RNF6: variants seen among roughly 807,000 people sequenced by gnomAD.
The protein encoded by RNF6 is ring finger protein 6.
In RNF6, 21 loss-of-function variants were observed where a neutral mutation model predicts 50.1. The ratio of observed to expected loss-of-function variants is 0.42; its 90% confidence interval spans 0.30 to 0.60. RNF6 has a LOEUF of 0.60. RNF6 is among the 20% of genes least tolerant of loss of function. RNF6 has a pLI of 0.20. For missense variants in RNF6, 698 were observed against 838.2 expected (o/e 0.83, Z 2.07); for synonymous variants, 255 against 291.8 (o/e 0.87, Z 1.29).
chr13:26,211,827 CTAAAA>C (rs1869339572), downstream of RNF6, among the ~76,000 whole-genome samples: 1 of 152,126 alleles, frequency 6.6e-6, no homozygotes, highest in African/African-American at 2.4e-5. Flanking sequence ...AATTTTAACA[CTAAAA>C]TAAGTGAGAT....
intron 5 of RNF6, among the ~76,000 whole-genome samples, chr13:26,152,046 C>G (rs17433548): frequency 0.13 from 20,111 of 152,212 alleles, 1,686 homozygotes; most frequent in Admixed American, 0.2. Flanking sequence ...ACACCAACCT[C>G]TTTTATAACC....
At chr13:26,210,330 T>C (rs1000649180), downstream of RNF6, among the ~76,000 whole-genome samples, 18 of 152,292 alleles carry the variant, frequency 1.2e-4, no homozygotes, top group African/African-American at 4.1e-4. Flanking sequence ...ATTATTCCAA[T>C]GGAGAGATGC....
chr13:26,218,456 A>T (rs1319405079), intron 4 of RNF6, 55 bp downstream of exon 4: 1 of 1,388,130 alleles, frequency 7.2e-7, no homozygotes, highest in East Asian at 2.3e-5. Context: ...TAAGAATTTC[A>T]TTTCTGCAAG....
intron 5 of RNF6, among the ~76,000 whole-genome samples, chr13:26,134,595 C>A (rs1870554518): frequency 6.6e-6 from 1 of 152,112 alleles, no homozygotes; most frequent in African/African-American, 2.4e-5. Flanking sequence ...AGGGAACTCA[C>A]CACCATGTTG....
At chr13:26,218,032 C>T (rs920066786) in intron 4 of RNF6, among the ~76,000 whole-genome samples, 58 of 152,206 alleles carry the variant, frequency 3.8e-4, no homozygotes, top group African/African-American at 1.3e-3. Flanking sequence ...ACAAAAGTGG[C>T]TTTTCCTTTT....
At chr13:26,208,929 A>G (rs1324810526), downstream of RNF6, among the ~76,000 whole-genome samples, 1 of 152,256 alleles carries the variant, frequency 6.6e-6, no homozygotes, top group African/African-American at 2.4e-5. Context: ...AGTTAGAGTC[A>G]TAGAAAGATC....
intron 5 of RNF6, among the ~76,000 whole-genome samples, chr13:26,189,863 C>T (rs1350579050): frequency 2.0e-5 from 3 of 152,214 alleles, no homozygotes; most frequent in Non-Finnish European, 4.4e-5. Flanking sequence ...GACTCTAATC[C>T]AATCACTACT....
chr13:26,171,679 G>T (rs372801243), intron 5 of RNF6, among the ~76,000 whole-genome samples: 68 of 152,168 alleles, frequency 4.5e-4, no homozygotes, highest in Middle Eastern at 3.4e-3. Context: ...GATGAAATGT[G>T]GTACAAAAAT....
intron 5 of RNF6, among the ~76,000 whole-genome samples, chr13:26,198,917 AT>A (rs1868786855): frequency 6.6e-6 from 1 of 151,992 alleles, no homozygotes; most frequent in Non-Finnish European, 1.5e-5. Flanking sequence ...TTAGGCATAA[AT>A]TTAACAAGAT....
chr13:26,223,073 C>T (rs988521866), upstream of RNF6, among the ~76,000 whole-genome samples: 1 of 152,180 alleles, frequency 6.6e-6, no homozygotes, highest in Non-Finnish European at 1.5e-5. Flanking sequence ...GTCCCCTTTC[C>T]TGACATCCCT....
At chr13:26,182,897 A>G (rs1320820932) in intron 5 of RNF6, among the ~76,000 whole-genome samples, 1 of 152,124 alleles carries the variant, frequency 6.6e-6, no homozygotes, top group Non-Finnish European at 1.5e-5. Flanking sequence ...TTGAAAAAAG[A>G]ATTTCTTTGG....
chr13:26,150,299 G>A (rs1871524879), intron 5 of RNF6, among the ~76,000 whole-genome samples: 1 of 152,016 alleles, frequency 6.6e-6, no homozygotes, highest in African/African-American at 2.4e-5. Context: ...TTTTAGTGAT[G>A]TCATGTCTTT....
At chr13:26,158,861 C>T (rs2137603886) in intron 5 of RNF6, among the ~76,000 whole-genome samples, 1 of 152,146 alleles carries the variant, frequency 6.6e-6, no homozygotes. Flanking sequence ...TCTGAAGGCC[C>T]AATAGCTGAA....
chr13:26,172,945 A>G (rs1872772653), intron 5 of RNF6, among the ~76,000 whole-genome samples: 2 of 152,228 alleles, frequency 1.3e-5, no homozygotes, highest in Non-Finnish European at 2.9e-5. Flanking sequence ...AAAAAAAAAT[A>G]GAAACATGAG....
chr13:26,177,459 T>G lies in RNF6; in HGVS notation n.768+38015A>C, dbSNP rs146945644. On this transcript the variant is annotated intron_variant and non_coding_transcript_variant, in intron 5 of 5. Transcript: ENST00000468480. The stretch of plus-strand genomic sequence containing the variant: ...CCCTTCTCTAACATGTCACTGTCCA[T>G]CAGTCAGAGTTCTGTCTTGGTTTCT... 9.5e-3 allele frequency among the ~76,000 whole-genome samples: 1,442 copies of G among 152,322 alleles called. 25 individuals are homozygous for G. Among genetic ancestry groups the G allele is most frequent in the Non-Finnish European group, 0.011 (775 of 68,020 alleles).
chr13:26,170,662 G>A (rs897766194), intron 5 of RNF6, among the ~76,000 whole-genome samples: 3 of 152,108 alleles, frequency 2.0e-5, no homozygotes, highest in African/African-American at 7.2e-5. Context: ...CCAGTTGAAA[G>A]GTCTAAACCT....
chr13:26,133,437 C>T (rs1273090240), intron 5 of RNF6, among the ~76,000 whole-genome samples: 1 of 152,212 alleles, frequency 6.6e-6, no homozygotes, highest in Non-Finnish European at 1.5e-5. Flanking sequence ...TCTTCTCCTT[C>T]CAGGACTCTG....
chr13:26,211,154 A>T (rs974849710), downstream of RNF6, among the ~76,000 whole-genome samples: 1 of 152,224 alleles, frequency 6.6e-6, no homozygotes, highest in Non-Finnish European at 1.5e-5. Flanking sequence ...TGGGAAATGA[A>T]TGAAAATATT....
intron 5 of RNF6, among the ~76,000 whole-genome samples, chr13:26,171,910 G>T (rs1356971099): frequency 6.6e-6 from 1 of 152,196 alleles, no homozygotes; most frequent in Admixed American, 6.5e-5. Context: ...GGGGAAGGGG[G>T]TAAAGAAGAG....
Sources: gnomAD v4.1 joint callset for allele counts (sites outside exome capture counted in the v4.1 genomes callset) on GRCh38, gnomAD v4.1.1 for gene constraint, MANE v1.5 for transcripts, NCBI Gene and HGNC (gene_info 2026-07-23, HGNC 2026-07-21) for gene names.